Variants in TMEM132D observed in about 807,000 individuals in gnomAD.
TMEM132D encodes the protein mature OL transmembrane protein.
In TMEM132D, 21 loss-of-function variants were observed where a neutral mutation model predicts 62.3. The observed-to-expected ratio is 0.34, with a 90% CI of 0.24 to 0.49. TMEM132D has a LOEUF of 0.49. Among genes scored for constraint, TMEM132D ranks in the 20% least tolerant of loss-of-function variants. TMEM132D has a pLI of 0.99. For missense variants in TMEM132D, 1,346 were observed against 1,402.8 expected (o/e 0.96, Z 0.65); for synonymous variants, 621 against 575.6 (o/e 1.08, Z -1.13).
At chr12:129,150,748 A>G (rs1351834596) in intron 5 of TMEM132D, among the ~76,000 whole-genome samples, 1 of 152,218 alleles carries the variant, frequency 6.6e-6, no homozygotes, top group Non-Finnish European at 1.5e-5. Flanking sequence ...GCCTTCAGCC[A>G]AGTCTTCACT....
intron 4 of TMEM132D, among the ~76,000 whole-genome samples, chr12:129,234,294 C>T (rs901549620): frequency 7.9e-5 from 12 of 152,132 alleles, no homozygotes; most frequent in African/African-American, 2.7e-4. Context: ...AAATGTGGAA[C>T]CCGAGAAGCT....
intron 3 of TMEM132D, among the ~76,000 whole-genome samples, chr12:129,517,802 CATG>C (rs1875726870): frequency 6.6e-6 from 1 of 152,150 alleles, no homozygotes; most frequent in African/African-American, 2.4e-5. Flanking sequence ...ATGTGGCAGG[CATG>C]GTTGAATAAG....
At chr12:129,567,362 G>C (rs1411168515) in intron 2 of TMEM132D, among the ~76,000 whole-genome samples, 1 of 152,152 alleles carries the variant, frequency 6.6e-6, no homozygotes, top group East Asian at 1.9e-4. Flanking sequence ...AGATAGACCA[G>C]AAGTTCATTG....
At chr12:129,629,563 C>T (rs552281360) in intron 2 of TMEM132D, among the ~76,000 whole-genome samples, 71 of 152,266 alleles carry the variant, frequency 4.7e-4, no homozygotes, top group African/African-American at 1.6e-3. Context: ...CCGTCTTCCA[C>T]ATTCTTCCAT....
At chr12:129,819,660 C>T (rs764025659) in intron 1 of TMEM132D, among the ~76,000 whole-genome samples, 3 of 152,080 alleles carry the variant, frequency 2.0e-5, no homozygotes, top group African/African-American at 7.2e-5. Context: ...TCATCGCTAA[C>T]GGTATGTGTG....
intron 1 of TMEM132D, among the ~76,000 whole-genome samples, chr12:129,882,824 C>T (rs924020277): frequency 6.6e-6 from 1 of 152,114 alleles, no homozygotes; most frequent in Non-Finnish European, 1.5e-5. Context: ...AGGTTCAATG[C>T]CTGTTTATGA....
intron 2 of TMEM132D, among the ~76,000 whole-genome samples, chr12:129,573,072 T>C (rs1196828145): frequency 6.6e-6 from 1 of 152,138 alleles, no homozygotes; most frequent in Non-Finnish European, 1.5e-5. Context: ...TAAATCCATC[T>C]GGTGGGCTCA....
chr12:129,839,547 T>G (rs7962243), intron 1 of TMEM132D, among the ~76,000 whole-genome samples: 108,744 of 151,958 alleles, frequency 0.72, 39,085 homozygotes, highest in East Asian at 0.91. Flanking sequence ...ATAGACATGA[T>G]CCACTGTGCC....
chr12:129,615,795 CAAAATAAAAT>C (rs767430381), intron 2 of TMEM132D, among the ~76,000 whole-genome samples: 2,224 of 139,084 alleles, frequency 0.016, 27 homozygotes, highest in African/African-American at 0.035. Flanking sequence ...CAAAACAAAA[CAAAATAAAAT>C]AAAATAAAAT....
At chr12:129,166,359 T>C (rs1359158213) in intron 5 of TMEM132D, among the ~76,000 whole-genome samples, 2 of 152,090 alleles carry the variant, frequency 1.3e-5, no homozygotes. Context: ...CAGGCATGAA[T>C]GCGGGCGGAG....
At chr12:129,472,425 C>A (rs751561170) in intron 3 of TMEM132D, among the ~76,000 whole-genome samples, 1 of 152,044 alleles carries the variant, frequency 6.6e-6, no homozygotes, top group Non-Finnish European at 1.5e-5. Flanking sequence ...CATACTGGGG[C>A]CTGTCGTTGG....
At chr12:129,552,534 A>ACTAC (rs1198363822) in intron 2 of TMEM132D, among the ~76,000 whole-genome samples, 1 of 147,884 alleles carries the variant, frequency 6.8e-6, no homozygotes, top group African/African-American at 2.5e-5. Flanking sequence ...CTAGCATCTA[A>ACTAC]CTACCTACCT....
intron 4 of TMEM132D, among the ~76,000 whole-genome samples, chr12:129,300,376 G>A (rs916362554): frequency 1.3e-5 from 2 of 152,204 alleles, no homozygotes. Flanking sequence ...CTGCTCCGTG[G>A]CCAGGACTTG....
At chr12:129,513,635 C>T (rs1165544287) in intron 3 of TMEM132D, among the ~76,000 whole-genome samples, 2 of 150,236 alleles carry the variant, frequency 1.3e-5, no homozygotes, top group South Asian at 2.1e-4. Context: ...CAGGCACCCA[C>T]CACCACGCCC....
intron 2 of TMEM132D, among the ~76,000 whole-genome samples, chr12:129,636,228 A>C (rs1047272950): frequency 6.6e-6 from 1 of 152,250 alleles, no homozygotes; most frequent in African/African-American, 2.4e-5. Context: ...GAAGGGGATT[A>C]TCTACAGAAT....
At chr12:129,504,921 C>T (rs765450190) in intron 3 of TMEM132D, among the ~76,000 whole-genome samples, 4 of 152,108 alleles carry the variant, frequency 2.6e-5, no homozygotes, top group East Asian at 1.9e-4. Context: ...TCACTACTGT[C>T]GTTCAGTTCA....
intron 1 of TMEM132D, among the ~76,000 whole-genome samples, chr12:129,802,771 A>C (rs2137308820): frequency 6.6e-6 from 1 of 151,614 alleles, no homozygotes; most frequent in South Asian, 2.1e-4. Flanking sequence ...AAGACCCATC[A>C]GTGTGCTGTA....
rs372473759 is a variant in TMEM132D at position 129,661,747 on chromosome 12, T to C, written c.968+38063A>G. On this transcript the variant is annotated intron_variant, in intron 2 of 8. Coordinates refer to ENST00000422113, the MANE Select transcript of TMEM132D (RefSeq NM_133448.3). Reference sequence around the variant, plus strand: ...GCAAGGAACAAGAAAAATTCAACAATAGTAATTTCATAAAGATGTCTTTGA... The same window carrying C: ...GCAAGGAACAAGAAAAATTCAACAACAGTAATTTCATAAAGATGTCTTTGA... Among the ~76,000 whole-genome samples, 409 of 152,294 alleles carry C rather than the reference T, an allele frequency of 2.7e-3. 4 individuals are homozygous for C. Among genetic ancestry groups the C allele is most frequent in the South Asian group, 0.024 (117 of 4,820 alleles).
At chr12:129,658,911 G>A (rs1235465865) in intron 2 of TMEM132D, among the ~76,000 whole-genome samples, 1 of 152,052 alleles carries the variant, frequency 6.6e-6, no homozygotes, top group African/African-American at 2.4e-5. Context: ...TTTTAGCAAT[G>A]AGACCCCTGT....
Sources: gnomAD v4.1 joint callset for allele counts (sites outside exome capture counted in the v4.1 genomes callset) on GRCh38, gnomAD v4.1.1 for gene constraint, MANE v1.5 for transcripts, NCBI Gene and HGNC (gene_info 2026-07-23, HGNC 2026-07-21) for gene names.